Variants in ANO7 observed in about 807,000 individuals in gnomAD.
The protein encoded by ANO7 is anoctamin-7.
Under a neutral mutation model 115.8 loss-of-function variants are expected in ANO7, and 114 were observed. The observed-to-expected ratio is 0.98, with a 90% CI of 0.85 to 1.15. The LOEUF (loss-of-function observed/expected upper bound fraction) is 1.15. ANO7 is among the 50% of genes most tolerant of loss of function. The pLI is 0.00. For synonymous variants in ANO7, 550 were observed against 498.2 expected, an observed-to-expected ratio of 1.10 and a Z score of -1.38; for missense variants, 1,302 against 1,201.2, an observed-to-expected ratio of 1.08 and a Z score of -1.24.
At chr2:241,200,266 T>A in intron 6 of ANO7, 41 bp downstream of exon 6, 1 of 1,591,600 alleles carries the variant, frequency 6.3e-7, no homozygotes, top group South Asian at 1.1e-5. Flanking sequence ...AGAACAGGAG[T>A]GAGTGGGAGT....
rs112836448 is a variant in ANO7 at position 241,212,286 on chromosome 2, G to A, written c.1673+81G>A. ...GTTTCCCGCTGCCTGGGTACCAGGC[G>A]TCATCCAGCCGTGCTCAGGCAGGTG... On this transcript the variant is annotated intron_variant, in intron 16 of 24. Coordinates refer to ENST00000674324, the MANE Select transcript of ANO7 (RefSeq NM_001370694.2). 1.8e-3 allele frequency: 2,415 copies of A among 1,345,134 alleles called. 26 individuals carry two copies. In the African/African-American group the frequency reaches 0.028, roughly 16 times the overall value. 83.3% of individuals were successfully genotyped at this position (1,345,134 alleles called of 1,614,324 possible).
chr2:241,235,616 T>C, the ANO7 span: 1 of 1,567,572 alleles, frequency 6.4e-7, no homozygotes, highest in Non-Finnish European at 8.8e-7. Context: ...ATGGTCATGG[T>C]TAGGCCGTGG....
At chr2:241,208,883 C>A (rs945062446) in intron 11 of ANO7, among the ~76,000 whole-genome samples, 1 of 152,212 alleles carries the variant, frequency 6.6e-6, no homozygotes, top group Non-Finnish European at 1.5e-5. Context: ...GGCACGGTGG[C>A]TCACGCCTGT....
Position 241,203,404 on chromosome 2 carries a change from CT to C in ANO7, c.796del (p.Trp266GlyfsTer155). On this transcript the variant is annotated frameshift_variant, in exon 9 of 25. Coordinates refer to ENST00000674324, the MANE Select transcript of ANO7 (RefSeq NM_001370694.2). LOFTEE classifies it high-confidence loss of function. The surrounding 1 kb of genome is among the most constrained non-coding windows in gnomAD (Gnocchi z 4.8). ...ACCAGCGCCAAGTCCTTTTCCAGCA[CT>C]GGGCGCGCTGGGGCAAGTGGAACAA... ...LNQRQVLFQHWARWGKWNKYQ... is the reference protein window; with the variant it reads ...LNQRQVLFQHXARWGKWNKYQ... 6.3e-7 allele frequency: 1 copy of C among 1,597,712 alleles called. No individual in the cohort carries two copies. The highest frequency in any genetic ancestry group is 8.5e-7 in the Non-Finnish European group (1 of 1,173,000).
chr2:241,221,841 C>A (rs2149274287), intron 21 of ANO7, among the ~76,000 whole-genome samples: 2 of 150,582 alleles, frequency 1.3e-5, no homozygotes, highest in East Asian at 4.0e-4. Flanking sequence ...CCATGCCCAG[C>A]TACTCTTTTA....
In ANO7 at chr2:241,212,572, G is replaced by C; in HGVS notation, c.1674G>C (p.Arg558Ser). 1 of 1,613,122 alleles carries C rather than the reference G, an allele frequency of 6.2e-7. No homozygotes were observed. Among genetic ancestry groups the C allele is most frequent in the South Asian group, 1.1e-5 (1 of 90,696 alleles). The change falls in exon 17 of 25, where the codon AGG (arginine) becomes AGC (serine). Residue 558 changes from arginine (R) to serine (S), a missense_variant and splice_region_variant. Coordinates refer to ENST00000674324, the MANE Select transcript of ANO7 (RefSeq NM_001370694.2). ...GCTCATGATCTTGACTTTCTCCTAG[G>C]TTTGTGGGATACCCAGGCAACTACC... ...SPVYIAFFKG[R>S]FVGYPGNYHT...
intron 17 of ANO7, among the ~76,000 whole-genome samples, chr2:241,213,083 C>T (rs1023062783): frequency 3.9e-5 from 6 of 152,252 alleles, no homozygotes; most frequent in South Asian, 4.1e-4. Flanking sequence ...TGAGCCATTA[C>T]GGTGGGCGCA....
chr2:241,213,699 G>A (rs965154326), intron 17 of ANO7, among the ~76,000 whole-genome samples: 10 of 152,218 alleles, frequency 6.6e-5, no homozygotes, highest in African/African-American at 2.4e-4. Context: ...GGTGGCCTCT[G>A]GGCTGGGCTG....
chr2:241,231,397 C>CA, the ANO7 span: 1,015 of 136,440 alleles, frequency 7.4e-3, 9 homozygotes, highest in African/African-American at 0.025. Flanking sequence ...AAAAAAAAAA[C>CA]AAAAAAAAAA....
chr2:241,209,507 C>T lies in ANO7; in HGVS notation c.1231C>T (p.Arg411Trp), dbSNP rs145157097. The change falls in exon 13 of 25, where the codon CGG (arginine) becomes TGG (tryptophan). Residue 411 changes from arginine to tryptophan, a missense_variant. Transcript: ENST00000674324. ...SDYEDTEERP[R>W]PQFAASAPMT... ...ACCGGCTCCCTTCCAGGAGAGGCCT[C>T]GGCCCCAGTTTGCCGCCTCAGCCCC... 2,555 of 1,592,154 alleles carry T rather than the reference C, an allele frequency of 1.6e-3. 5 individuals carry two copies. The highest frequency in any genetic ancestry group is 2.1e-3 in the Non-Finnish European group (2,418 of 1,169,166).
chr2:241,229,872 C>A, downstream of ANO7: 1 of 1,588,088 alleles, frequency 6.3e-7, no homozygotes, highest in East Asian at 2.3e-5. Context: ...CGTCCCGCAC[C>A]ACAAAGCCTC....
intron 4 of ANO7, chr2:241,196,156 T>A (rs536288282): frequency 7.7e-7 from 1 of 1,301,686 alleles, no homozygotes; most frequent in South Asian, 2.0e-5. Context: ...TTAAAGCTTT[T>A]GGGTAGGCGT....
chr2:241,239,818 A>G, the ANO7 span: 1 of 1,613,556 alleles, frequency 6.2e-7, no homozygotes, highest in South Asian at 1.1e-5. This position sits in a 1 kb window ranked among gnomAD's most constrained non-coding sequence, Gnocchi z 4.6. Context: ...CCACCACATT[A>G]TCCTGCAGTG....
chr2:241,220,895 C>T (rs531237082), intron 21 of ANO7, among the ~76,000 whole-genome samples: 1 of 151,150 alleles, frequency 6.6e-6, no homozygotes, highest in South Asian at 2.1e-4. Context: ...CATTTCAACT[C>T]GGGAGGCGGA....
At chr2:241,196,741 G>A (rs1458277193) in intron 4 of ANO7, among the ~76,000 whole-genome samples, 2 of 152,240 alleles carry the variant, frequency 1.3e-5, no homozygotes, top group Non-Finnish European at 2.9e-5. Context: ...CAGCTCACAT[G>A]TGAATGCCGG....
At chr2:241,194,179 ATTT>A (rs59855055) in intron 3 of ANO7, among the ~76,000 whole-genome samples, 5 of 123,974 alleles carry the variant, frequency 4.0e-5, no homozygotes, top group East Asian at 2.2e-4. Context: ...CTGGCCTTTA[ATTT>A]TTTTTTTTTT....
chr2:241,212,267 C>T lies in ANO7; in HGVS notation c.1673+62C>T, dbSNP rs1044723664. 3.8e-5 allele frequency: 56 copies of T among 1,469,074 alleles called. 1 individual carries two copies. The highest frequency in any genetic ancestry group is 3.4e-4 in the Middle Eastern group (2 of 5,814). The allele number at this position is 1,469,074 out of a possible 1,614,324, so 91.0% of individuals were successfully genotyped here. ...CCGGCTTAGTTCTGCTCATGTTTCC[C>T]GCTGCCTGGGTACCAGGCGTCATCC... On this transcript the variant is annotated intron_variant, in intron 16 of 24. Coordinates refer to ENST00000674324, the MANE Select transcript of ANO7 (RefSeq NM_001370694.2).
At chr2:241,204,029 C>T (rs765443605) in intron 9 of ANO7, among the ~76,000 whole-genome samples, 26 of 152,194 alleles carry the variant, frequency 1.7e-4, no homozygotes, top group African/African-American at 3.9e-4. Flanking sequence ...CTTTCTCATC[C>T]GCACACACAG....
chr2:241,212,110 G>C lies in ANO7; in HGVS notation c.1578G>C (p.Gln526His). The change falls in exon 16 of 25, where the codon CAG becomes CAC. Residue 526 changes from glutamine (Q) to histidine (H), a missense_variant. Transcript: ENST00000674324. ...VLTRWEMHRTQTKFEDAFTLK... is the reference protein window; with the variant it reads ...VLTRWEMHRTHTKFEDAFTLK... ...ATGCCACAGAAATGCACCGCACCCA[G>C]ACCAAGTTCGAGGACGCCTTCACCC... The C allele has an allele frequency of 6.2e-7, 1 of 1,614,034 alleles. No homozygotes were observed. Among genetic ancestry groups the C allele is most frequent in the South Asian group, 1.1e-5 (1 of 91,084 alleles).
Sources: gnomAD v4.1 joint callset for allele counts (sites outside exome capture counted in the v4.1 genomes callset) on GRCh38, gnomAD v4.1.1 for gene constraint, Gnocchi (gnomAD v3.1) non-coding constraint, MANE v1.5 for transcripts, NCBI Gene and HGNC (gene_info 2026-07-23, HGNC 2026-07-21) for gene names.